The following PAXIP1 variants were observed in gnomAD, a reference collection of about 807,000 sequenced individuals.
PAXIP1 encodes the protein PAX-interacting protein 1.
PAXIP1 carries 19 observed loss-of-function variants against 140.6 expected under a neutral mutation model. The observed-to-expected ratio is 0.14, with a 90% CI of 0.09 to 0.20. The LOEUF (loss-of-function observed/expected upper bound fraction) is 0.20, where lower values mean the gene tolerates loss of function less well. Ranked by LOEUF, PAXIP1 falls within the 10% of genes least tolerant of loss-of-function variation. The pLI is 1.00. For synonymous variants in PAXIP1, 442 were observed against 444.6 expected (o/e 0.99, Z 0.07); for missense variants, 920 against 1,208.6 (o/e 0.76, Z 3.54).
intron 5 of PAXIP1, among the ~76,000 whole-genome samples, chr7:154,977,688 T>C (rs73493732): frequency 0.024 from 3,704 of 152,298 alleles, 151 homozygotes; most frequent in African/African-American, 0.084. Context: ...TCACACTGAC[T>C]AGAAAGGACC....
At chr7:154,953,944 T>C (rs1808396368) in intron 16 of PAXIP1, among the ~76,000 whole-genome samples, 1 of 152,164 alleles carries the variant, frequency 6.6e-6, no homozygotes, top group African/African-American at 2.4e-5. Flanking sequence ...AATACTTCCC[T>C]GCACTTTGAA....
intron 4 of PAXIP1, among the ~76,000 whole-genome samples, chr7:154,987,127 T>TCC (rs1043568980): frequency 1.3e-5 from 2 of 152,102 alleles, no homozygotes; most frequent in African/African-American, 4.8e-5. Flanking sequence ...CATCCTCCTA[T>TCC]CCCCACAGGG....
Position 154,986,846 on chromosome 7 carries a change from A to G in PAXIP1, c.325-3514T>C, listed in dbSNP as rs1191322038. On this transcript the variant is annotated intron_variant, in intron 4 of 20. Transcript: ENST00000404141. This position sits in a 1 kb window ranked among gnomAD's most constrained non-coding sequence, Gnocchi z 4.8. ...CCCACAAAGATCATGCTATTTCTGGATTCTGATTTTTCTTATCCACTGAAT... is the reference window on the plus strand; with the variant it reads ...CCCACAAAGATCATGCTATTTCTGGGTTCTGATTTTTCTTATCCACTGAAT... Among the ~76,000 whole-genome samples the G allele has an allele frequency of 6.6e-6, 1 of 152,172 alleles. No individual in the cohort carries two copies. Among genetic ancestry groups the G allele is most frequent in the Non-Finnish European group, 1.5e-5 (1 of 68,034 alleles).
At chr7:154,958,168 C>G (rs1000497758) in intron 13 of PAXIP1, among the ~76,000 whole-genome samples, 1 of 152,152 alleles carries the variant, frequency 6.6e-6, no homozygotes, top group African/African-American at 2.4e-5. Context: ...ATGGTCACAT[C>G]CACTAGGACC....
chr7:154,958,208 C>G (rs1179127475), intron 13 of PAXIP1, among the ~76,000 whole-genome samples: 1 of 152,142 alleles, frequency 6.6e-6, no homozygotes, highest in East Asian at 1.9e-4. Flanking sequence ...GGAGCAGAAG[C>G]CATGCCAAGC....
At position 154,998,665 on chromosome 7, in the gene PAXIP1, G is replaced by C; in HGVS notation, c.201C>G (p.Asp67Glu). Residue 67 changes from aspartate to glutamate, a missense_variant, in exon 2 of 21, where the codon GAC (aspartate) becomes GAG (glutamate). Physicochemically the swap from Asp to Glu is conservative, Grantham distance 45 (BLOSUM62 2). Around this residue, in one of 5 missense-constraint regions of PAXIP1, gnomAD observed 419 missense variants for 514.7 expected, o/e 0.81. Transcript: ENST00000404141. The stretch of plus-strand genomic sequence containing the variant: ...TACTACTGACCTTTACAACAGGTAA[G>C]TCAAAGACTTCCCGAGCTTCTCCCA... ...PEVGEAREVF[D>E]LPVVKPSWVI... The C allele has an allele frequency of 6.2e-7, 1 of 1,613,496 alleles. No individual in the cohort carries two copies. The highest frequency in any genetic ancestry group is 1.1e-5 in the South Asian group (1 of 91,030).
chr7:154,963,724 T>G lies in PAXIP1; in HGVS notation c.1936A>C (p.Ser646Arg). ...HGGTVDPTFTSRCTHLLCESQ... is the reference protein window; with the variant it reads ...HGGTVDPTFTRRCTHLLCESQ... ...TCACAGAGAAGGTGCGTGCATCGAC[T>G]CGTGAAGGTGGGGTCAACAGTGCCG... Residue 646 changes from serine to arginine, a missense_variant, in exon 9 of 21, where the codon AGT (serine) becomes CGT (arginine). Physicochemically the swap from Ser to Arg is moderately radical, Grantham distance 110. Coordinates refer to ENST00000404141, the MANE Select transcript of PAXIP1 (RefSeq NM_007349.4). The surrounding 1 kb of genome is among the most constrained non-coding windows in gnomAD (Gnocchi z 4.1). 2 of 1,613,650 alleles carry G rather than the reference T, an allele frequency of 1.2e-6. No individual in the cohort carries two copies. The highest frequency in any genetic ancestry group is 1.7e-6 in the Non-Finnish European group (2 of 1,179,782).
In PAXIP1 at chr7:154,969,060, G is replaced by A. The variant is rs1173074671; in HGVS notation, c.1141C>T (p.His381Tyr). Residue 381 changes from histidine (H) to tyrosine (Y), a missense_variant, in exon 7 of 21, where the codon CAT (histidine) becomes TAT (tyrosine). Around this residue, in one of 5 missense-constraint regions of PAXIP1, gnomAD observed 419 missense variants for 514.7 expected, o/e 0.81. Coordinates refer to ENST00000404141, the MANE Select transcript of PAXIP1 (RefSeq NM_007349.4). Reference protein sequence around the residue: ...EQQVNHSQQGHTNANAVLFSQ... With the variant: ...EQQVNHSQQGYTNANAVLFSQ... ...AACAGCACTGCATTGGCATTTGTAT[G>A]TCCCTGCTGGCTGTGATTCACCTGC... 2.6e-6 allele frequency: 4 copies of A among 1,523,644 alleles called. No individual in the cohort carries two copies. Among genetic ancestry groups the A allele is most frequent in the Non-Finnish European group, 3.5e-6 (4 of 1,129,620 alleles). The allele number at this position is 1,523,644 out of a possible 1,614,324, so 94.4% of individuals were successfully genotyped here.
At chr7:154,944,921 C>T (rs1470851614) in intron 20 of PAXIP1, 1 of 151,572 alleles carries the variant, frequency 6.6e-6, no homozygotes, top group Non-Finnish European at 1.5e-5. Flanking sequence ...TCCAACTAGA[C>T]AGGCTATTTA....
chr7:154,989,617 AT>A (rs1435761843), intron 4 of PAXIP1, among the ~76,000 whole-genome samples: 1 of 152,156 alleles, frequency 6.6e-6, no homozygotes, highest in Non-Finnish European at 1.5e-5. Flanking sequence ...TAACAATTTG[AT>A]TTTTTTCTAA....
intron 3 of PAXIP1, among the ~76,000 whole-genome samples, chr7:154,992,112 C>CA (rs1205782867): frequency 1.3e-5 from 2 of 152,174 alleles, no homozygotes; most frequent in African/African-American, 4.8e-5. Context: ...AGGCAAATCT[C>CA]AGAGTGCACT....
intron 6 of PAXIP1, among the ~76,000 whole-genome samples, chr7:154,975,485 C>A (rs1446921338): frequency 1.3e-5 from 2 of 151,416 alleles, no homozygotes; most frequent in Non-Finnish European, 1.5e-5. Context: ...TACGCTGTTA[C>A]CCTTTTTCAA....
chr7:154,967,242 A>G (rs1175240245), intron 8 of PAXIP1: 1 of 152,650 alleles, frequency 6.6e-6, no homozygotes, highest in African/African-American at 2.4e-5. Context: ...AGGGATGTTT[A>G]TAGTGAAGCA....
chr7:154,977,792 C>T (rs1458423442), intron 5 of PAXIP1, among the ~76,000 whole-genome samples: 1 of 151,690 alleles, frequency 6.6e-6, no homozygotes, highest in Non-Finnish European at 1.5e-5. Flanking sequence ...AACATATAGT[C>T]ATAGTGAACA....
At chr7:154,967,642 G>A in intron 8 of PAXIP1, 174 bp downstream of exon 8, 1 of 557,530 alleles carries the variant, frequency 1.8e-6, no homozygotes, top group Non-Finnish European at 3.2e-6. Context: ...GAAAACTGAT[G>A]CCCAGAAAAG....
At position 154,954,200 on chromosome 7, in the gene PAXIP1, GAAAA is replaced by G; in HGVS notation, c.2821+51_2821+54del. The stretch of plus-strand genomic sequence containing the variant: ...TTGGGATGAAAAGAGATGAATTCAA[GAAAA>G]AAAAAAGTTTATTTGGCATTAAAAG... On this transcript the variant is annotated intron_variant, in intron 16 of 20. Transcript: ENST00000404141. The surrounding 1 kb of genome is among the most constrained non-coding windows in gnomAD (Gnocchi z 5.1). 8.9e-7 allele frequency: 1 copy of G among 1,121,796 alleles called. No homozygotes were observed. The highest frequency in any genetic ancestry group is 1.2e-6 in the Non-Finnish European group (1 of 844,230). The allele number at this position is 1,121,796 out of a possible 1,614,324, so 69.5% of individuals were successfully genotyped here. A position where few individuals can be genotyped will look rare whatever the true frequency, so the allele number is the denominator to read the frequency against.
At position 154,962,375 on chromosome 7, in the gene PAXIP1, T is replaced by C. The variant is rs1366612585; in HGVS notation, c.2073A>G (p.Arg691=). 5 of 1,613,988 alleles carry C rather than the reference T, an allele frequency of 3.1e-6. No individual in the cohort carries two copies. The highest frequency in any genetic ancestry group is 3.4e-6 in the Non-Finnish European group (4 of 1,179,870). ...GGAAGGCCACTGGGAAGTGAAGGGC[T>C]CGGTGCGGCGGTACCATTTTCTTCT... The part of the protein sequence containing the change: ...LKKKKMVPPH[R]ALHFPVAFPP... Residue 691 remains arginine, a synonymous_variant, in exon 10 of 21, where the codon CGA becomes CGG. Coordinates refer to ENST00000404141, the MANE Select transcript of PAXIP1 (RefSeq NM_007349.4).
intron 4 of PAXIP1, among the ~76,000 whole-genome samples, chr7:154,989,779 T>A (rs1396736548): frequency 6.6e-6 from 1 of 152,222 alleles, no homozygotes; most frequent in Non-Finnish European, 1.5e-5. Flanking sequence ...GGTGTAATAT[T>A]GTACATACCT....
intron 16 of PAXIP1, among the ~76,000 whole-genome samples, chr7:154,952,598 A>G (rs1808321061): frequency 6.6e-6 from 1 of 152,222 alleles, no homozygotes; most frequent in Admixed American, 6.5e-5. Context: ...GTTCAATGTC[A>G]GTGAATTAAC....
Sources: gnomAD v4.1 joint callset for allele counts (sites outside exome capture counted in the v4.1 genomes callset) on GRCh38, gnomAD v4.1.1 for gene constraint, gnomAD v4.1.1 regional missense constraint, Gnocchi (gnomAD v3.1) non-coding constraint, MANE v1.5 for transcripts, NCBI Gene and HGNC (gene_info 2026-07-23, HGNC 2026-07-21) for gene names.